The following PKP3 variants were observed in gnomAD, a reference collection of about 807,000 sequenced individuals.
The protein encoded by PKP3 is plakophilin 3, also known as plakophilin-3.
Under a neutral mutation model 76.5 loss-of-function variants are expected in PKP3, and 66 were observed. That is an observed-to-expected ratio of 0.86 (90% confidence interval 0.71 to 1.06). The LOEUF is 1.06. PKP3 is among the 50% of genes least tolerant of loss of function. The pLI, the probability that PKP3 is intolerant of heterozygous loss-of-function variation, is 0.00. For missense variants in PKP3, 1,338 were observed against 1,141.0 expected (o/e 1.17, Z -2.49); for synonymous variants, 638 against 516.5 (o/e 1.24, Z -3.19).
At position 394,239 on chromosome 11, in the gene PKP3, A is replaced by G. The variant is rs1847012221; in HGVS notation, c.-54A>G. On this transcript the variant is annotated 5_prime_UTR_variant, in exon 1 of 13. Transcript: ENST00000331563. ...GAGGGCCTCGAGGGACAGGACGTGA[A>G]GATAGTTGGGTTTGGAGGCGGCCGC... The G allele has an allele frequency of 1.0e-5, 15 of 1,443,456 alleles. No individual in the cohort carries two copies. Among genetic ancestry groups the G allele is most frequent in the East Asian group, 2.9e-5 (1 of 34,588 alleles). The allele number at this position is 1,443,456 out of a possible 1,614,324, so 89.4% of individuals were successfully genotyped here.
intron 1 of PKP3, chr11:396,348 G>A: frequency 2.2e-6 from 1 of 447,084 alleles, no homozygotes; most frequent in East Asian, 3.6e-5. Context: ...AGGTCAGTGG[G>A]TGAGCGTATC....
In PKP3 at chr11:400,083, C is replaced by A. The variant is rs764386462; in HGVS notation, c.1390C>A (p.Leu464Ile). 3 of 1,598,164 alleles carry A rather than the reference C, an allele frequency of 1.9e-6. No homozygotes were observed. Among genetic ancestry groups the A allele is most frequent in the Non-Finnish European group, 2.6e-6 (3 of 1,175,500 alleles). ...SPLSGAGGPP[L>I]IQQNASEAEI... ...CCTGTCGGGGGCTGGGGGTCCCCCC[C>A]TCATCCAGCAGAACGCCTCGGAGGC... The change falls in exon 6 of 13, where the codon CTC (leucine) becomes ATC (isoleucine). Residue 464 changes from leucine to isoleucine, a missense_variant. Leu to Ile is a conservative substitution (Grantham distance 5). Coordinates refer to ENST00000331563, the MANE Select transcript of PKP3 (RefSeq NM_007183.4).
At chr11:399,225 C>G (rs745693893) in intron 5 of PKP3, 29 bp downstream of exon 5, 1 of 1,456,970 alleles carries the variant, frequency 6.9e-7, no homozygotes. Context: ...TCCACCTGTC[C>G]TTCCTCCACC....
chr11:396,770 A>C (rs766477794), intron 2 of PKP3, 44 bp from the exon 3 acceptor site: 1 of 1,567,518 alleles, frequency 6.4e-7, no homozygotes, highest in Non-Finnish European at 8.6e-7. Context: ...GCCCGGACAC[A>C]GGTGAGCCCA....
At chr11:393,165 C>T (rs1277418343), upstream of PKP3, among the ~76,000 whole-genome samples, 1 of 149,836 alleles carries the variant, frequency 6.7e-6, no homozygotes, top group East Asian at 2.0e-4. Context: ...CATTTGCTGG[C>T]TGTGGTGCTA....
In PKP3 at chr11:404,325, T is replaced by C; in HGVS notation, c.2358+2T>C. 6.2e-7 allele frequency: 1 copy of C among 1,610,308 alleles called. No homozygotes were observed. The highest frequency in any genetic ancestry group is 8.5e-7 in the Non-Finnish European group (1 of 1,178,662). On this transcript the variant is annotated splice_donor_variant, in intron 12 of 12. Transcript: ENST00000331563. LOFTEE classifies it high-confidence loss of function. This position sits in a 1 kb window ranked among gnomAD's most constrained non-coding sequence, Gnocchi z 4.2. ...AAGCTCCACCGTGACTTCCGGGCGGTACGTTTCCCGAGCCCAGGGCAAGCA... is the reference window on the plus strand; with the variant it reads ...AAGCTCCACCGTGACTTCCGGGCGGCACGTTTCCCGAGCCCAGGGCAAGCA...
chr11:395,602 C>A (rs1176712976), intron 1 of PKP3, among the ~76,000 whole-genome samples: 1 of 152,202 alleles, frequency 6.6e-6, no homozygotes. Flanking sequence ...GGCGTGCCCC[C>A]ACTCCGGGCT....
chr11:396,575 G>T, intron 1 of PKP3, 33 bp from the exon 2 acceptor site: 1 of 1,491,266 alleles, frequency 6.7e-7, no homozygotes, highest in Non-Finnish European at 9.2e-7. Flanking sequence ...TTGCTGTGTG[G>T]CAGAGCTGGG....
chr11:397,740 T>C, intron 4 of PKP3, 78 bp downstream of exon 4: 2 of 1,421,182 alleles, frequency 1.4e-6, no homozygotes, highest in South Asian at 2.5e-5. Context: ...TGTCCTCTGC[T>C]CACTGAGCAC....
At position 400,452 on chromosome 11, in the gene PKP3, G is replaced by A; in HGVS notation, c.1566+1G>A. The A allele has an allele frequency of 6.5e-7, 1 of 1,543,276 alleles. No individual in the cohort carries two copies. The highest frequency in any genetic ancestry group is 8.7e-7 in the Non-Finnish European group (1 of 1,144,048). ...GGACGCGGGCAAATGCGAGGACAAG[G>A]TGAGGGGCGCGGTGTGGAGGAGGGG... On this transcript the variant is annotated splice_donor_variant, in intron 7 of 12. Coordinates refer to ENST00000331563, the MANE Select transcript of PKP3 (RefSeq NM_007183.4). LOFTEE classifies it high-confidence loss of function.
rs1310300813 is a variant in PKP3 at position 400,469 on chromosome 11, G to A, written c.1566+18G>A. On this transcript the variant is annotated intron_variant, in intron 7 of 12. Coordinates refer to ENST00000331563, the MANE Select transcript of PKP3 (RefSeq NM_007183.4). ...AGGACAAGGTGAGGGGCGCGGTGTG[G>A]AGGAGGGGCCGTGCCCCCGGGCCGC... 5.2e-6 allele frequency: 8 copies of A among 1,530,370 alleles called. No homozygotes were observed. The highest frequency in any genetic ancestry group is 1.4e-5 in the African/African-American group (1 of 72,438). 94.8% of individuals were successfully genotyped at this position (1,530,370 alleles called of 1,614,324 possible).
chr11:393,027 T>C (rs916130356), upstream of PKP3, among the ~76,000 whole-genome samples: 6 of 151,872 alleles, frequency 4.0e-5, no homozygotes, highest in Non-Finnish European at 8.8e-5. Context: ...GCAGAGGCTG[T>C]CCGATGAGCT....
Position 394,219 on chromosome 11 carries a change from C to A in PKP3, c.-74C>A. 1 of 1,405,644 alleles carries A rather than the reference C, an allele frequency of 7.1e-7. No homozygotes were observed. 87.1% of individuals were successfully genotyped at this position (1,405,644 alleles called of 1,614,324 possible). Reference sequence around the variant, plus strand: ...CTGGGCGGGGACTTCAGGGAGAGGGCCTCGAGGGACAGGACGTGAAGATAG... The same window carrying A: ...CTGGGCGGGGACTTCAGGGAGAGGGACTCGAGGGACAGGACGTGAAGATAG... On this transcript the variant is annotated 5_prime_UTR_variant, in exon 1 of 13. Transcript: ENST00000331563.
rs546581351 is a variant in PKP3, at chr11:397,221, C to A, written c.720C>A (p.Ser240Arg). The A allele has an allele frequency of 2.1e-5, 33 of 1,598,990 alleles. No individual in the cohort carries two copies. In the African/African-American group the frequency reaches 3.6e-4, roughly 17 times the overall value. Reference protein sequence around the residue: ...DWPEATEVSPSRTIRAPAVRT... With the variant: ...DWPEATEVSPRRTIRAPAVRT... ...CCGAGGCCACTGAGGTTTCCCCGAG[C>A]CGGACCATCCGTGCCCCTGCCGTGC... is the stretch of plus-strand genomic sequence containing the variant. The change falls in exon 3 of 13, where the codon AGC (serine) becomes AGA (arginine). Residue 240 changes from serine to arginine, a missense_variant. Coordinates refer to ENST00000331563, the MANE Select transcript of PKP3 (RefSeq NM_007183.4).
intron 10 of PKP3, 69 bp from the exon 11 acceptor site, chr11:403,874 G>T: frequency 6.4e-7 from 1 of 1,560,814 alleles, no homozygotes. Flanking sequence ...CTCCCTGGGG[G>T]AGGCAGGGGA....
intron 7 of PKP3, 33 bp from the exon 8 acceptor site, chr11:400,502 A>C (rs945202447): frequency 1.1e-5 from 16 of 1,495,776 alleles, no homozygotes; most frequent in African/African-American, 2.8e-5. Flanking sequence ...CGCCGCTCTG[A>C]CCCGCGCCCC....
intron 6 of PKP3, 46 bp from the exon 7 acceptor site, chr11:400,288 C>T (rs1200179669): frequency 4.7e-6 from 7 of 1,487,446 alleles, no homozygotes; most frequent in East Asian, 2.5e-5. Flanking sequence ...GGGCAAGGCC[C>T]GGGATGCGGG....
Position 399,100 on chromosome 11 carries a change from G to T in PKP3, c.1177G>T (p.Ala393Ser), listed in dbSNP as rs756559215. Reference sequence around the variant, plus strand: ...CATGCGCAACCTCATCTACGACAACGCTGACAACAAGCTGGCCCTGGTGGA... The same window carrying T: ...CATGCGCAACCTCATCTACGACAACTCTGACAACAAGCTGGCCCTGGTGGA... Reference protein sequence around the residue: ...GAMRNLIYDNADNKLALVEEN... With the variant: ...GAMRNLIYDNSDNKLALVEEN... The change falls in exon 5 of 13, where the codon GCT (alanine) becomes TCT (serine). Residue 393 changes from alanine to serine, a missense_variant. Ala to Ser is a moderately conservative substitution (Grantham distance 99, BLOSUM62 1). Coordinates refer to ENST00000331563, the MANE Select transcript of PKP3 (RefSeq NM_007183.4). 1 of 1,611,942 alleles carries T rather than the reference G, an allele frequency of 6.2e-7. No individual in the cohort carries two copies. Among genetic ancestry groups the T allele is most frequent in the African/African-American group, 1.3e-5 (1 of 74,968 alleles).
chr11:399,833 C>A, intron 5 of PKP3, 134 bp from the exon 6 acceptor site: 3 of 710,392 alleles, frequency 4.2e-6, no homozygotes, highest in Non-Finnish European at 7.0e-6. Context: ...CAGGGTCTCC[C>A]CAGTGGGGCT....
Sources: gnomAD v4.1 joint callset for allele counts (sites outside exome capture counted in the v4.1 genomes callset) on GRCh38, gnomAD v4.1.1 for gene constraint, Gnocchi (gnomAD v3.1) non-coding constraint, MANE v1.5 for transcripts, NCBI Gene and HGNC (gene_info 2026-07-23, HGNC 2026-07-21) for gene names.